Variants in MAPK8 observed in about 807,000 individuals in gnomAD.
The protein encoded by MAPK8 is mitogen-activated protein kinase 8.
MAPK8 carries 13 observed loss-of-function variants against 52.9 expected under a neutral mutation model. The observed-to-expected ratio is 0.25, with a 90% CI of 0.16 to 0.39. MAPK8 has a LOEUF of 0.39. Among genes scored for constraint, MAPK8 ranks in the 10% least tolerant of loss-of-function variants. The pLI is 1.00. For missense variants in MAPK8, 300 were observed against 519.2 expected (o/e 0.58, Z 4.10); for synonymous variants, 191 against 169.8 (o/e 1.12, Z -0.97).
chr10:48,314,848 T>G (rs1379254521), intron 1 of MAPK8, among the ~76,000 whole-genome samples: 1 of 152,258 alleles, frequency 6.6e-6, no homozygotes, highest in Non-Finnish European at 1.5e-5. Context: ...TTCCCCAATT[T>G]GCTGTTTTCC....
chr10:48,409,489 C>G (rs1383891925), intron 3 of MAPK8, among the ~76,000 whole-genome samples: 1 of 151,836 alleles, frequency 6.6e-6, no homozygotes, highest in African/African-American at 2.4e-5. Context: ...GAAAACTGGG[C>G]AAGTGCAGTA....
chr10:48,358,685 A>G (rs985290626), intron 1 of MAPK8, among the ~76,000 whole-genome samples: 1 of 152,202 alleles, frequency 6.6e-6, no homozygotes, highest in African/African-American at 2.4e-5. Flanking sequence ...AACCGTTGCC[A>G]AATCCAGGGT....
intron 5 of MAPK8, among the ~76,000 whole-genome samples, chr10:48,413,335 T>C (rs1056564639): frequency 8.5e-5 from 13 of 152,208 alleles, no homozygotes; most frequent in African/African-American, 2.7e-4. Context: ...CACATGGTCA[T>C]TCTTTTTAAC....
chr10:48,414,112 CTTTCTGTCTTTGT>C (rs1346211004), intron 5 of MAPK8, among the ~76,000 whole-genome samples: 2 of 151,698 alleles, frequency 1.3e-5, no homozygotes, highest in African/African-American at 4.8e-5. Context: ...CACTAATCTA[CTTTCTGTCTTTGT>C]ATATTTGTCT....
intron 1 of MAPK8, among the ~76,000 whole-genome samples, chr10:48,366,690 T>TA (rs1026234542): frequency 2.0e-5 from 3 of 152,046 alleles, no homozygotes; most frequent in Admixed American, 6.6e-5. Context: ...TCTATTTCAC[T>TA]AAAAAAAATT....
intron 6 of MAPK8, among the ~76,000 whole-genome samples, chr10:48,421,126 A>G (rs537986016): frequency 2.6e-5 from 4 of 152,262 alleles, no homozygotes; most frequent in Admixed American, 2.0e-4. Context: ...AAACCTAGAC[A>G]TTTTTTCTGG....
intron 1 of MAPK8, among the ~76,000 whole-genome samples, chr10:48,396,356 G>T (rs1200336290): frequency 6.6e-6 from 1 of 152,116 alleles, no homozygotes; most frequent in Non-Finnish European, 1.5e-5. Flanking sequence ...TGCTCAACAT[G>T]ATTAGCTACT....
intron 1 of MAPK8, among the ~76,000 whole-genome samples, chr10:48,311,240 C>T (rs1039855263): frequency 6.6e-6 from 1 of 152,114 alleles, no homozygotes; most frequent in African/African-American, 2.4e-5. Context: ...CATAAAATGC[C>T]AAGTAAACGT....
chr10:48,339,858 C>G (rs1363139888), intron 1 of MAPK8, among the ~76,000 whole-genome samples: 7 of 152,174 alleles, frequency 4.6e-5, no homozygotes, highest in Non-Finnish European at 1.0e-4. Context: ...AAGATACCAT[C>G]TCATAGCAGT....
At chr10:48,417,330 T>C (rs2043119870) in intron 5 of MAPK8, among the ~76,000 whole-genome samples, 1 of 152,208 alleles carries the variant, frequency 6.6e-6, no homozygotes, top group Non-Finnish European at 1.5e-5. Flanking sequence ...TGAGGCTGTC[T>C]TCAGTCTTCC....
At chr10:48,363,570 A>G (rs1020707296) in intron 1 of MAPK8, among the ~76,000 whole-genome samples, 1 of 152,100 alleles carries the variant, frequency 6.6e-6, no homozygotes, top group South Asian at 2.1e-4. Flanking sequence ...CTCGATATCT[A>G]CTTGTTAGTT....
chr10:48,406,549 G>A (rs939326929), intron 3 of MAPK8, among the ~76,000 whole-genome samples: 4 of 152,226 alleles, frequency 2.6e-5, no homozygotes, highest in African/African-American at 7.2e-5. Flanking sequence ...ACCTAGAAGA[G>A]TGTGGACAAG....
chr10:48,341,539 G>T (rs1478772393), intron 1 of MAPK8, among the ~76,000 whole-genome samples: 2 of 152,220 alleles, frequency 1.3e-5, no homozygotes, highest in Middle Eastern at 3.4e-3. Flanking sequence ...CAAGCATTTT[G>T]GATAAAAGAT....
At chr10:48,378,990 T>C (rs896732748) in intron 1 of MAPK8, among the ~76,000 whole-genome samples, 12 of 152,218 alleles carry the variant, frequency 7.9e-5, no homozygotes, top group African/African-American at 2.9e-4. Context: ...TTTAGAGTTA[T>C]TATACTTGGC....
intron 1 of MAPK8, among the ~76,000 whole-genome samples, chr10:48,336,210 G>A (rs1844670226): frequency 6.6e-6 from 1 of 151,870 alleles, no homozygotes; most frequent in Non-Finnish European, 1.5e-5. Flanking sequence ...AGTGAAAGAT[G>A]GACATCACAA....
intron 2 of MAPK8, among the ~76,000 whole-genome samples, chr10:48,404,243 G>A (rs976340418): frequency 2.0e-5 from 3 of 150,854 alleles, no homozygotes; most frequent in African/African-American, 2.4e-5. Flanking sequence ...TGCAACTTCC[G>A]CCTCCCAGGT....
chr10:48,361,589 C>T (rs1176075082), intron 1 of MAPK8, among the ~76,000 whole-genome samples: 1 of 152,182 alleles, frequency 6.6e-6, no homozygotes, highest in African/African-American at 2.4e-5. Context: ...ATCACTTTCA[C>T]ACTTTAAAGC....
chr10:48,354,880 C>G (rs915701086), intron 1 of MAPK8, among the ~76,000 whole-genome samples: 2 of 152,080 alleles, frequency 1.3e-5, no homozygotes, highest in Non-Finnish European at 2.9e-5. Context: ...TCCCCAGACT[C>G]TTGTAGAAGC....
intron 1 of MAPK8, among the ~76,000 whole-genome samples, chr10:48,370,596 A>G (rs569508839): frequency 6.6e-6 from 1 of 152,304 alleles, no homozygotes; most frequent in South Asian, 2.1e-4. Context: ...ACAGTAACTC[A>G]GCTTGAGAGG....
Sources: gnomAD v4.1 joint callset for allele counts (sites outside exome capture counted in the v4.1 genomes callset) on GRCh38, gnomAD v4.1.1 for gene constraint, MANE v1.5 for transcripts, NCBI Gene and HGNC (gene_info 2026-07-23, HGNC 2026-07-21) for gene names.